LRIF1: variants seen among roughly 807,000 people sequenced by gnomAD.
LRIF1 encodes the protein ligand dependent nuclear receptor interacting factor 1, also known as ligand-dependent nuclear receptor-interacting factor 1.
A neutral mutation model predicts 52.7 loss-of-function variants in LRIF1; 32 were observed. That is an observed-to-expected ratio of 0.61 (90% CI 0.46 to 0.82). The LOEUF is 0.82. LRIF1 is among the 40% of genes least tolerant of loss of function. The pLI, the probability that LRIF1 is intolerant of heterozygous loss-of-function variation, is 0.00. For missense variants in LRIF1, 887 were observed against 892.0 expected (o/e 0.99, Z 0.07); for synonymous variants, 323 against 317.4 (o/e 1.02, Z -0.19).
chr1:110,949,566 A>C (rs900440933), intron 3 of LRIF1, among the ~76,000 whole-genome samples: 1 of 149,584 alleles, frequency 6.7e-6, no homozygotes, highest in East Asian at 2.0e-4. Flanking sequence ...ATTACAGGCA[A>C]CCACCACCAG....
At chr1:110,933,083 T>C in the LRIF1 span, among the ~76,000 whole-genome samples, 1 of 152,244 alleles carries the variant, frequency 6.6e-6, no homozygotes, top group Non-Finnish European at 1.5e-5. Flanking sequence ...GTAACTTCTT[T>C]AGGTTGGCTC....
At chr1:110,946,254 A>T (rs978992837), downstream of LRIF1, among the ~76,000 whole-genome samples, 1 of 152,222 alleles carries the variant, frequency 6.6e-6, no homozygotes, top group Non-Finnish European at 1.5e-5. Context: ...ATATTGTATG[A>T]TTCCATATAT....
chr1:110,928,945 G>A, the LRIF1 span, among the ~76,000 whole-genome samples: 27 of 152,258 alleles, frequency 1.8e-4, no homozygotes, highest in Admixed American at 1.5e-3. Context: ...ACAGGGGAGT[G>A]ACTTGCTGTG....
At chr1:110,903,746 AGG>A in the LRIF1 span, among the ~76,000 whole-genome samples, 2 of 152,136 alleles carry the variant, frequency 1.3e-5, no homozygotes, top group African/African-American at 4.8e-5. Flanking sequence ...AGAAAAGCGG[AGG>A]GAAAAGTAAA....
At chr1:110,957,470 C>CAAAAAAAAA (rs34396800) in intron 1 of LRIF1, among the ~76,000 whole-genome samples, 15,664 of 42,602 alleles carry the variant, frequency 0.37, 4,388 homozygotes, top group Non-Finnish European at 0.44. Context: ...GACTCAGTCT[C>CAAAAAAAAA]AAAAAAAAAA....
chr1:110,876,418 T>G, the LRIF1 span, among the ~76,000 whole-genome samples: 1 of 152,226 alleles, frequency 6.6e-6, no homozygotes, highest in Non-Finnish European at 1.5e-5. Context: ...TAATTGTAAA[T>G]GTAATTGATC....
In LRIF1 at chr1:110,948,216, T is replaced by G; in HGVS notation, c.2053A>C (p.Ser685Arg). The change falls in exon 4 of 4, where the codon AGC (serine) becomes CGC (arginine). Residue 685 changes from serine (S) to arginine (R), a missense_variant. Physicochemically the swap from Ser to Arg is moderately radical, Grantham distance 110. Transcript: ENST00000369763. ...VSQHNILTSHSKTRQEKRTEM... is the reference protein window; with the variant it reads ...VSQHNILTSHRKTRQEKRTEM... ...GTTCTCTTTTCTTGTCTGGTTTTGC[T>G]GTGACTCGTGAGAATGTTATGTTGT... 1 of 1,614,140 alleles carries G rather than the reference T, an allele frequency of 6.2e-7. No homozygotes were observed. The highest frequency in any genetic ancestry group is 2.2e-5 in the East Asian group (1 of 44,862).
At chr1:110,919,180 T>C in the LRIF1 span, among the ~76,000 whole-genome samples, 21 of 152,288 alleles carry the variant, frequency 1.4e-4, no homozygotes, top group African/African-American at 4.8e-4. Flanking sequence ...GTCAACTTGA[T>C]TGGATTGAAG....
intron 1 of LRIF1, chr1:110,963,321 A>G: frequency 4.4e-6 from 1 of 228,100 alleles, no homozygotes; most frequent in Non-Finnish European, 8.8e-6. Context: ...GAGTCACATA[A>G]GAGCGTCGGC....
the LRIF1 span, among the ~76,000 whole-genome samples, chr1:110,889,401 A>G: frequency 1.3e-5 from 2 of 152,078 alleles, no homozygotes; most frequent in African/African-American, 4.8e-5. Context: ...CTAAAAAAAA[A>G]TACAAAAATT....
chr1:110,893,597 T>C, the LRIF1 span, among the ~76,000 whole-genome samples: 2 of 152,270 alleles, frequency 1.3e-5, no homozygotes, highest in East Asian at 3.9e-4. Context: ...GTTGGGATTA[T>C]AGGCGTAAGC....
chr1:110,901,837 A>T, the LRIF1 span, among the ~76,000 whole-genome samples: 2 of 152,308 alleles, frequency 1.3e-5, no homozygotes, highest in Non-Finnish European at 2.9e-5. Context: ...CACAAAATGA[A>T]ACTTATCATT....
At chr1:110,961,251 C>T (rs1658935923) in intron 1 of LRIF1, among the ~76,000 whole-genome samples, 1 of 152,178 alleles carries the variant, frequency 6.6e-6, no homozygotes, top group South Asian at 2.1e-4. Context: ...TCCCTGGCAA[C>T]AGCCCATATC....
At chr1:110,893,060 T>C in the LRIF1 span, among the ~76,000 whole-genome samples, 1 of 152,332 alleles carries the variant, frequency 6.6e-6, no homozygotes, top group East Asian at 1.9e-4. Flanking sequence ...ATGTGAGAGA[T>C]GCTACAGCCT....
intron 1 of LRIF1, among the ~76,000 whole-genome samples, chr1:110,957,470 C>CAGAAAAAAA (rs1658750462): frequency 2.3e-5 from 1 of 42,802 alleles, no homozygotes; most frequent in Non-Finnish European, 3.8e-5. Flanking sequence ...GACTCAGTCT[C>CAGAAAAAAA]AAAAAAAAAA....
chr1:110,946,982 T>A (rs904586806), downstream of LRIF1, among the ~76,000 whole-genome samples: 3 of 151,838 alleles, frequency 2.0e-5, no homozygotes, highest in African/African-American at 7.3e-5. Context: ...AACATTGTTC[T>A]CCTCCTCCTC....
At chr1:110,953,552 AT>A (rs541735912) in intron 1 of LRIF1, among the ~76,000 whole-genome samples, 3 of 152,162 alleles carry the variant, frequency 2.0e-5, no homozygotes, top group South Asian at 2.1e-4. Flanking sequence ...CTGGAAATCA[AT>A]TTTTTTTAAC....
intron 1 of LRIF1, chr1:110,963,285 G>T (rs1659041725): frequency 5.5e-6 from 1 of 183,302 alleles, no homozygotes; most frequent in African/African-American, 2.3e-5. Flanking sequence ...GTTTCTGCGT[G>T]TGCGTGAGAA....
chr1:110,910,310 A>AG, the LRIF1 span, among the ~76,000 whole-genome samples: 13 of 148,516 alleles, frequency 8.8e-5, no homozygotes, highest in Non-Finnish European at 1.8e-4. Flanking sequence ...AAAAAAAAAA[A>AG]TCCCTGGGGC....
Sources: allele counts gnomAD v4.1 joint callset (sites outside exome capture counted in the v4.1 genomes callset), GRCh38; gene constraint gnomAD v4.1.1; transcripts MANE v1.5; gene names NCBI Gene and HGNC (gene_info 2026-07-23, HGNC 2026-07-21).